The following PTPRD variants were observed in gnomAD, a reference collection of about 807,000 sequenced individuals.
PTPRD encodes receptor-type tyrosine-protein phosphatase delta.
Under a neutral mutation model 214.5 loss-of-function variants are expected in PTPRD, and 34 were observed. That is an observed-to-expected ratio of 0.16 (90% CI 0.12 to 0.21). The LOEUF (loss-of-function observed/expected upper bound fraction) is 0.21, where lower values mean the gene tolerates loss of function less well. Among genes scored for constraint, PTPRD ranks in the 10% least tolerant of loss-of-function variants. The pLI, the probability that PTPRD is intolerant of heterozygous loss-of-function variation, is 1.00. For synonymous variants in PTPRD, 1,128 were observed against 845.7 expected (o/e 1.33, Z -5.79); for missense variants, 2,545 against 2,398.7 (o/e 1.06, Z -1.27).
chr9:10,239,865 A>G (rs765946689), intron 3 of PTPRD, among the ~76,000 whole-genome samples: 3 of 151,756 alleles, frequency 2.0e-5, no homozygotes, highest in Non-Finnish European at 4.4e-5. Flanking sequence ...AAGCCATACA[A>G]TCTCTTTTCC....
At chr9:9,449,028 C>G (rs1588716605) in intron 8 of PTPRD, among the ~76,000 whole-genome samples, 1 of 152,008 alleles carries the variant, frequency 6.6e-6, no homozygotes, top group African/African-American at 2.4e-5. Context: ...CTTTATGGAC[C>G]ATGTTATTAA....
intron 14 of PTPRD, among the ~76,000 whole-genome samples, chr9:8,606,806 A>C (rs77760312): frequency 0.011 from 1,615 of 152,370 alleles, 20 homozygotes; most frequent in African/African-American, 0.037. Context: ...TAAGTTACAG[A>C]AACTTTATTC....
intron 12 of PTPRD, among the ~76,000 whole-genome samples, chr9:8,660,052 T>C (rs1487968643): frequency 6.6e-6 from 1 of 152,240 alleles, no homozygotes; most frequent in Non-Finnish European, 1.5e-5. Flanking sequence ...TACAAAAATG[T>C]GTAACATAGT....
At chr9:9,571,925 T>C (rs1405881881) in intron 8 of PTPRD, among the ~76,000 whole-genome samples, 1 of 151,214 alleles carries the variant, frequency 6.6e-6, no homozygotes, top group African/African-American at 2.4e-5. Flanking sequence ...ATGTAACACC[T>C]GGAGTCCATT....
intron 8 of PTPRD, among the ~76,000 whole-genome samples, chr9:9,474,677 C>G (rs2094889020): frequency 1.0e-5 from 1 of 99,618 alleles, no homozygotes; most frequent in Non-Finnish European, 2.4e-5. Context: ...AAATCTATTC[C>G]TAGGGTTTTT....
chr9:10,095,153 T>A (rs1377100988), intron 3 of PTPRD, among the ~76,000 whole-genome samples: 1 of 151,390 alleles, frequency 6.6e-6, no homozygotes, highest in East Asian at 1.9e-4. Flanking sequence ...ATATATGAAG[T>A]CTCACAATGA....
At chr9:9,219,124 T>A (rs1442543133) in intron 9 of PTPRD, among the ~76,000 whole-genome samples, 1 of 152,124 alleles carries the variant, frequency 6.6e-6, no homozygotes, top group East Asian at 1.9e-4. Context: ...TGAAAATCCT[T>A]TTTAGATTTC....
intron 9 of PTPRD, among the ~76,000 whole-genome samples, chr9:9,301,104 G>A (rs1454818599): frequency 6.6e-6 from 1 of 151,676 alleles, no homozygotes; most frequent in Non-Finnish European, 1.5e-5. Context: ...TAAGATTCTT[G>A]TGATTAATTA....
At chr9:10,277,112 T>C (rs759741137) in intron 3 of PTPRD, among the ~76,000 whole-genome samples, 27 of 152,274 alleles carry the variant, frequency 1.8e-4, no homozygotes, top group Non-Finnish European at 2.5e-4. Context: ...TTATAGCTGA[T>C]CTGGAGGTTA....
chr9:8,577,946 T>C (rs1050063678), intron 14 of PTPRD, among the ~76,000 whole-genome samples: 9 of 152,320 alleles, frequency 5.9e-5, no homozygotes, highest in South Asian at 2.1e-4. Context: ...TCCATCAGTC[T>C]CTACACATAA....
intron 11 of PTPRD, among the ~76,000 whole-genome samples, chr9:8,752,230 C>G (rs1565794735): frequency 6.6e-6 from 1 of 152,158 alleles, no homozygotes; most frequent in Non-Finnish European, 1.5e-5. Flanking sequence ...TCATAAAGAT[C>G]TTGCTGATAA....
At chr9:9,064,032 CA>C (rs2099716902) in intron 10 of PTPRD, among the ~76,000 whole-genome samples, 1 of 152,040 alleles carries the variant, frequency 6.6e-6, no homozygotes, top group South Asian at 2.1e-4. Context: ...CAAATTTTAG[CA>C]AAAGATATCA....
chr9:10,388,065 C>T (rs1440047078), intron 2 of PTPRD, among the ~76,000 whole-genome samples: 2 of 151,626 alleles, frequency 1.3e-5, no homozygotes, highest in Non-Finnish European at 2.9e-5. Context: ...ATTCATTAAG[C>T]AGAGAATTGC....
intron 5 of PTPRD, among the ~76,000 whole-genome samples, chr9:9,888,817 A>C (rs2072022441): frequency 6.6e-6 from 1 of 152,114 alleles, no homozygotes; most frequent in African/African-American, 2.4e-5. Flanking sequence ...TAGGGAAGAC[A>C]AAGAGTATTG....
At chr9:9,758,186 T>A (rs2092882828) in intron 6 of PTPRD, among the ~76,000 whole-genome samples, 1 of 149,928 alleles carries the variant, frequency 6.7e-6, no homozygotes, top group South Asian at 2.1e-4. Context: ...TTAGCAGACT[T>A]TTTTTTTTAT....
intron 7 of PTPRD, among the ~76,000 whole-genome samples, chr9:9,592,003 C>A (rs879912723): frequency 9.9e-5 from 15 of 152,060 alleles, no homozygotes. Context: ...CTCTCTACTT[C>A]TAGGAGATCA....
chr9:9,887,294 A>C (rs190470900), intron 5 of PTPRD, among the ~76,000 whole-genome samples: 3 of 152,216 alleles, frequency 2.0e-5, no homozygotes, highest in African/African-American at 7.2e-5. Context: ...ACTGTATTGG[A>C]TATTGTTATT....
chr9:10,011,196 G>C (rs2096592509), intron 4 of PTPRD, among the ~76,000 whole-genome samples: 1 of 151,958 alleles, frequency 6.6e-6, no homozygotes, highest in African/African-American at 2.4e-5. Context: ...AGGTTCAGCA[G>C]AACCTTGACA....
chr9:9,052,045 C>A (rs1406378596), intron 10 of PTPRD, among the ~76,000 whole-genome samples: 1 of 152,132 alleles, frequency 6.6e-6, no homozygotes, highest in Non-Finnish European at 1.5e-5. Flanking sequence ...ACATTTATTT[C>A]TCATAGTTCT....
Sources: gnomAD v4.1 joint callset for allele counts (sites outside exome capture counted in the v4.1 genomes callset) on GRCh38, gnomAD v4.1.1 for gene constraint, MANE v1.5 for transcripts, NCBI Gene and HGNC (gene_info 2026-07-23, HGNC 2026-07-21) for gene names.